The following PCYT1A variants were observed in gnomAD, a reference collection of about 807,000 sequenced individuals.
PCYT1A encodes choline-phosphate cytidylyltransferase A.
A neutral mutation model predicts 43.7 loss-of-function variants in PCYT1A; 25 were observed. The observed-to-expected ratio is 0.57, with a 90% CI of 0.42 to 0.80. The LOEUF (loss-of-function observed/expected upper bound fraction) is 0.80. PCYT1A is among the 30% of genes least tolerant of loss of function. The probability of loss-of-function intolerance (pLI) is 0.00; values close to 1 mark genes in which losing one functional copy is unlikely to be tolerated. For synonymous variants in PCYT1A, 172 were observed against 170.7 expected, an observed-to-expected ratio of 1.01 and a Z score of -0.06; for missense variants, 421 against 474.2, an observed-to-expected ratio of 0.89 and a Z score of 1.04.
At chr3:196,244,846 T>G (rs1442583841) in intron 5 of PCYT1A, among the ~76,000 whole-genome samples, 1 of 152,026 alleles carries the variant, frequency 6.6e-6, no homozygotes, top group African/African-American at 2.4e-5. Flanking sequence ...TTAAATGGAT[T>G]AAGGGCGGTG....
Position 196,247,381 on chromosome 3 carries a change from G to T in PCYT1A, c.472C>A (p.Leu158Met). ...CAGTTTCTTACCCGGTGTTCGGCCA[G>T]GAACTCGGGTGTCAGCGTCCAGGGC... ...NAPWTLTPEF[L>M]AEHRIDFVAH... The change falls in exon 5 of 9, where the codon CTG becomes ATG. Residue 158 changes from leucine to methionine, a missense_variant. Around this residue, in one of 3 missense-constraint regions of PCYT1A, gnomAD observed 174 missense variants for 270.7 expected, o/e 0.64. Coordinates refer to ENST00000431016, the MANE Select transcript of PCYT1A (RefSeq NM_001312673.2). The surrounding 1 kb of genome is among the most constrained non-coding windows in gnomAD (Gnocchi z 4.8). 6.2e-7 allele frequency: 1 copy of T among 1,614,138 alleles called. No individual in the cohort carries two copies. The highest frequency in any genetic ancestry group is 8.5e-7 in the Non-Finnish European group (1 of 1,180,026).
chr3:196,246,073 T>C (rs1724561366), intron 5 of PCYT1A, among the ~76,000 whole-genome samples: 1 of 152,162 alleles, frequency 6.6e-6, no homozygotes, highest in Admixed American at 6.5e-5. Flanking sequence ...CTGTGGGCTG[T>C]GGTGCTGAGA....
chr3:196,273,492 A>G lies in PCYT1A; in HGVS notation c.-10-2951T>C, dbSNP rs2075590755. On this transcript the variant is annotated intron_variant, in intron 1 of 8. Transcript: ENST00000431016. The surrounding 1 kb of genome is among the most constrained non-coding windows in gnomAD (Gnocchi z 4.1). Reference sequence around the variant, plus strand: ...AAGAGGTGCTTTATTGAGCAACACAACAGCCCTCAGGAGACCCCAAGCGGG... The same window carrying G: ...AAGAGGTGCTTTATTGAGCAACACAGCAGCCCTCAGGAGACCCCAAGCGGG... Among the ~76,000 whole-genome samples, 2 of 152,200 alleles carry G rather than the reference A, an allele frequency of 1.3e-5. No individual in the cohort carries two copies. The highest frequency in any genetic ancestry group is 2.4e-5 in the African/African-American group (1 of 41,454).
intron 1 of PCYT1A, among the ~76,000 whole-genome samples, chr3:196,284,776 A>G (rs1234822229): frequency 4.6e-5 from 7 of 152,230 alleles, no homozygotes; most frequent in African/African-American, 1.7e-4. Context: ...TCCTACAAAA[A>G]GATTCATTTC....
chr3:196,267,117 T>G (rs1725298144), intron 2 of PCYT1A, among the ~76,000 whole-genome samples: 1 of 147,462 alleles, frequency 6.8e-6, no homozygotes, highest in African/African-American at 2.5e-5. Context: ...AGGCGGAGGT[T>G]GCAGTGAGCC....
intron 1 of PCYT1A, among the ~76,000 whole-genome samples, chr3:196,274,154 C>T (rs1725520806): frequency 1.3e-5 from 2 of 152,212 alleles, no homozygotes; most frequent in African/African-American, 2.4e-5. Flanking sequence ...AGAGCAGGCA[C>T]CAGGAGCAAG....
intron 2 of PCYT1A, among the ~76,000 whole-genome samples, chr3:196,261,584 G>A (rs539886936): frequency 4.6e-5 from 7 of 152,258 alleles, no homozygotes; most frequent in South Asian, 2.1e-4. Context: ...TAGGTCGGGA[G>A]TTCGAGACCA....
Position 196,270,556 on chromosome 3 carries a change from T to C in PCYT1A, c.-10-15A>G. ...TCTTCTTTTAACTGGTCATAGAAAG[T>C]GAAAACAAAAATTTTCTCATTGGGG... On this transcript the variant is annotated splice_polypyrimidine_tract_variant and intron_variant, in intron 1 of 8. Transcript: ENST00000431016. 1 of 1,566,434 alleles carries C rather than the reference T, an allele frequency of 6.4e-7. No homozygotes were observed. Among genetic ancestry groups the C allele is most frequent in the South Asian group, 1.1e-5 (1 of 90,048 alleles).
At chr3:196,241,259 T>C (rs1170360460) in intron 7 of PCYT1A, among the ~76,000 whole-genome samples, 1 of 151,320 alleles carries the variant, frequency 6.6e-6, no homozygotes, top group Non-Finnish European at 1.5e-5. Context: ...ATCACGCCAC[T>C]GCACTCCAGC....
rs1553828777 is a variant in PCYT1A, at chr3:196,241,158, A to AAC, written c.708+789_708+790insGT. On this transcript the variant is annotated intron_variant, in intron 7 of 8. Transcript: ENST00000431016. Reference sequence around the variant, plus strand: ...AAAAAAAAAAAAAAAAAAAAAAAAAAAAAAATTAGCCAGGCCTGGTGGCAC... The same window carrying AAC: ...AAAAAAAAAAAAAAAAAAAAAAAAAAACAAAAATTAGCCAGGCCTGGTGGCAC... 5.3e-4 allele frequency among the ~76,000 whole-genome samples: 63 copies of AAC among 119,156 alleles called. 4 individuals carry two copies. Among genetic ancestry groups the AAC allele is most frequent in the African/African-American group, 1.8e-3 (58 of 32,374 alleles). 78.2% of individuals were successfully genotyped at this position (119,156 alleles called of 152,430 possible). A position where few individuals can be genotyped will look rare whatever the true frequency, so the allele number is the denominator to read the frequency against.
In PCYT1A at chr3:196,242,174, T is replaced by G; in HGVS notation, c.566-84A>C. On this transcript the variant is annotated intron_variant, in intron 6 of 8. Transcript: ENST00000431016. The surrounding 1 kb of genome is among the most constrained non-coding windows in gnomAD (Gnocchi z 4.2). Reference sequence around the variant, plus strand: ...GACTAAATGGAAATTGGGGGCAACATTCCTTTCCTTTCCTCAAAAAGCAGA... The same window carrying G: ...GACTAAATGGAAATTGGGGGCAACAGTCCTTTCCTTTCCTCAAAAAGCAGA... 1 of 1,290,772 alleles carries G rather than the reference T, an allele frequency of 7.7e-7. No individual in the cohort carries two copies. Among genetic ancestry groups the G allele is most frequent in the African/African-American group, 1.5e-5 (1 of 68,744 alleles). 80.0% of individuals were successfully genotyped at this position (1,290,772 alleles called of 1,614,324 possible).
At chr3:196,274,262 G>A (rs1335171298) in intron 1 of PCYT1A, among the ~76,000 whole-genome samples, 1 of 152,174 alleles carries the variant, frequency 6.6e-6, no homozygotes, top group Non-Finnish European at 1.5e-5. Flanking sequence ...ATGTAGCCAC[G>A]GCTGCTCCCG....
Position 196,280,578 on chromosome 3 carries a change from T to TTTTG in PCYT1A, c.-11+7036_-11+7037insCAAA, listed in dbSNP as rs1553837276. On this transcript the variant is annotated intron_variant, in intron 1 of 8. Transcript: ENST00000431016. ...GTATTGGTATTTTTATTGTTTTTTT[T>TTTTG]TTTTTTTTTTTCTGAATATTTTCGA... Among the ~76,000 whole-genome samples the TTTTG allele has an allele frequency of 7.4e-5, 11 of 147,728 alleles. 1 individual carries two copies. The South Asian group carries it at 2.4e-3, about 33-fold the overall frequency.
chr3:196,246,814 C>T (rs1396936163), intron 5 of PCYT1A, among the ~76,000 whole-genome samples: 4 of 152,118 alleles, frequency 2.6e-5, no homozygotes, highest in East Asian at 1.9e-4. Flanking sequence ...GGGAAGGTCT[C>T]GTAACTGGTG....
chr3:196,279,413 C>T (rs1725687826), intron 1 of PCYT1A, among the ~76,000 whole-genome samples: 1 of 152,062 alleles, frequency 6.6e-6, no homozygotes, highest in South Asian at 2.1e-4. Context: ...TGAGCACAGA[C>T]TCTAAATATG....
chr3:196,269,781 A>G (rs1180499301), intron 2 of PCYT1A, among the ~76,000 whole-genome samples: 1 of 152,164 alleles, frequency 6.6e-6, no homozygotes, highest in East Asian at 1.9e-4. Flanking sequence ...AGCAGAAAAG[A>G]CGCACTAGAC....
chr3:196,261,590 G>C (rs1485745464), intron 2 of PCYT1A, among the ~76,000 whole-genome samples: 2 of 152,106 alleles, frequency 1.3e-5, no homozygotes, highest in Non-Finnish European at 2.9e-5. Context: ...GGGAGTTCGA[G>C]ACCAGCCTGG....
rs2108771815 is a variant in PCYT1A at position 196,257,897 on chromosome 3, T to C, written c.118-10A>G. The stretch of plus-strand genomic sequence containing the variant: ...CTGGTTGCCGTAAGCCCTTAAGAAA[T>C]GGAAAGTGAAGGAAAAGAAAGTTCA... On this transcript the variant is annotated splice_polypyrimidine_tract_variant and intron_variant, in intron 2 of 8. Coordinates refer to ENST00000431016, the MANE Select transcript of PCYT1A (RefSeq NM_001312673.2). The C allele has an allele frequency of 1.9e-6, 3 of 1,578,118 alleles. No individual in the cohort carries two copies. The highest frequency in any genetic ancestry group is 2.6e-6 in the Non-Finnish European group (3 of 1,151,930).
chr3:196,260,344 G>T (rs1185163081), intron 2 of PCYT1A, among the ~76,000 whole-genome samples: 7 of 152,148 alleles, frequency 4.6e-5, no homozygotes, highest in African/African-American at 7.2e-5. Flanking sequence ...AACCAGGATG[G>T]CTATGAGCAA....
Sources: gnomAD v4.1 joint callset for allele counts (sites outside exome capture counted in the v4.1 genomes callset) on GRCh38, gnomAD v4.1.1 for gene constraint, gnomAD v4.1.1 regional missense constraint, Gnocchi (gnomAD v3.1) non-coding constraint, MANE v1.5 for transcripts, NCBI Gene and HGNC (gene_info 2026-07-23, HGNC 2026-07-21) for gene names.